Variants in OR5H15 observed in about 807,000 individuals in gnomAD.
OR5H15 encodes the protein olfactory receptor family 5 subfamily H member 15.
For synonymous variants in OR5H15, 153 were observed against 129.1 expected, an observed-to-expected ratio of 1.19 and a Z score of -1.26; for missense variants, 405 against 366.1, an observed-to-expected ratio of 1.11 and a Z score of -0.87.
chr3:98,166,944 G>A (rs1708724986), intron 1 of OR5H15, 113 bp downstream of exon 1: 1 of 151,998 alleles, frequency 6.6e-6, no homozygotes, highest in Admixed American at 6.6e-5. Flanking sequence ...ATAGCAAGAT[G>A]GAATTTGGAT....
At chr3:98,168,289 C>T (rs1708748474) in intron 1 of OR5H15, among the ~76,000 whole-genome samples, 1 of 151,980 alleles carries the variant, frequency 6.6e-6, no homozygotes, top group Non-Finnish European at 1.5e-5. Context: ...TTGGTACATG[C>T]TTAACGTATA....
In OR5H15 at chr3:98,169,649, T is replaced by C; in HGVS notation, c.*8T>C. ...GTTAAGGTTTCATACTAATATCCTT[T>C]TTCTATTTACTAAAATAGTCACAAA... is the stretch of plus-strand genomic sequence containing the variant. On this transcript the variant is annotated 3_prime_UTR_variant, in exon 2 of 2. Coordinates refer to ENST00000641450, the MANE Select transcript of OR5H15 (RefSeq NM_001005515.2). 1 of 1,556,726 alleles carries C rather than the reference T, an allele frequency of 6.4e-7. No homozygotes were observed. The highest frequency in any genetic ancestry group is 8.8e-7 in the Non-Finnish European group (1 of 1,136,018).
Position 98,169,567 on chromosome 3 carries a change from T to C in OR5H15, c.868T>C (p.Tyr290His). 1.2e-6 allele frequency: 2 copies of C among 1,611,384 alleles called. No individual in the cohort carries two copies. Reference sequence around the variant, plus strand: ...CATTCCTTTGTTAAATCCTATCATCTACAGTCTGAGAAATAAGCAAGTCAT... The same window carrying C: ...CATTCCTTTGTTAAATCCTATCATCCACAGTCTGAGAAATAAGCAAGTCAT... ...VIIPLLNPII[Y>H]SLRNKQVIVS... is the part of the protein sequence containing the mutation. Residue 290 changes from tyrosine (Y) to histidine (H), a missense_variant, in exon 2 of 2, where the codon TAC becomes CAC. Physicochemically the swap from Tyr to His is moderately conservative, Grantham distance 83 (BLOSUM62 2). Coordinates refer to ENST00000641450, the MANE Select transcript of OR5H15 (RefSeq NM_001005515.2).
At position 98,169,195 on chromosome 3, in the gene OR5H15, C is replaced by G; in HGVS notation, c.496C>G (p.Leu166Val). The change falls in exon 2 of 2, where the codon CTA (leucine) becomes GTA (valine). Residue 166 changes from leucine (L) to valine (V), a missense_variant. By Grantham distance (32) the Leu-to-Val change is conservative. Coordinates refer to ENST00000641450, the MANE Select transcript of OR5H15 (RefSeq NM_001005515.2). ...ALIHEGFLFR[L>V]TFCNSNIVHH... ...AATCCATGAAGGATTTTTATTCAGA[C>G]TAACCTTCTGTAACTCCAACATAGT... 1 of 1,612,968 alleles carries G rather than the reference C, an allele frequency of 6.2e-7. No homozygotes were observed. The highest frequency in any genetic ancestry group is 8.5e-7 in the Non-Finnish European group (1 of 1,179,414).
rs1338907147 is a variant in OR5H15, at chr3:98,169,729, G to A, written c.*88G>A. On this transcript the variant is annotated 3_prime_UTR_variant, in exon 2 of 2. Coordinates refer to ENST00000641450, the MANE Select transcript of OR5H15 (RefSeq NM_001005515.2). Reference sequence around the variant, plus strand: ...TTCCAGTGTTCAAACATTTTTGCAAGTATAACTGTCCTAGCACTTTAATGA... The same window carrying A: ...TTCCAGTGTTCAAACATTTTTGCAAATATAACTGTCCTAGCACTTTAATGA... The A allele has an allele frequency of 2.1e-6, 2 of 933,120 alleles. No individual in the cohort carries two copies. The highest frequency in any genetic ancestry group is 3.4e-6 in the Non-Finnish European group (2 of 594,568). The allele number at this position is 933,120 out of a possible 1,614,324, so 57.8% of individuals were successfully genotyped here. A position where few individuals can be genotyped will look rare whatever the true frequency, so the allele number is the denominator to read the frequency against.
rs762197626 is a variant in OR5H15, at chr3:98,169,209, C to T, written c.510C>T (p.Asn170=). 1 of 1,612,498 alleles carries T rather than the reference C, an allele frequency of 6.2e-7. No homozygotes were observed. The highest frequency in any genetic ancestry group is 8.5e-7 in the Non-Finnish European group (1 of 1,179,010). Residue 170 remains asparagine (N), a synonymous_variant, in exon 2 of 2, where the codon AAC becomes AAT. Coordinates refer to ENST00000641450, the MANE Select transcript of OR5H15 (RefSeq NM_001005515.2). ...TTTTATTCAGACTAACCTTCTGTAA[C>T]TCCAACATAGTACATCACATTTACT... ...EGFLFRLTFC[N]SNIVHHIYCD... is the part of the protein sequence containing the mutation.
Position 98,169,253 on chromosome 3 carries a change from C to T in OR5H15, c.554C>T (p.Ser185Phe), listed in dbSNP as rs1708769928. ...HHIYCDTIPL[S>F]KISCTDSSIN... Reference sequence around the variant, plus strand: ...ATTTACTGTGACACTATCCCATTGTCTAAGATTTCTTGTACTGATTCTTCT... The same window carrying T: ...ATTTACTGTGACACTATCCCATTGTTTAAGATTTCTTGTACTGATTCTTCT... The change falls in exon 2 of 2, where the codon TCT (serine) becomes TTT (phenylalanine). Residue 185 changes from serine to phenylalanine, a missense_variant. Transcript: ENST00000641450. 8.1e-6 allele frequency: 13 copies of T among 1,611,202 alleles called. No individual in the cohort carries two copies. Among genetic ancestry groups the T allele is most frequent in the Non-Finnish European group, 1.1e-5 (13 of 1,178,138 alleles).
Position 98,168,549 on chromosome 3 carries a change from C to T in OR5H15, c.-18-133C>T. The stretch of plus-strand genomic sequence containing the variant: ...TCTTTAATGCATCAAATACACAATT[C>T]ATCAGTTGTAGGACTGATCAAAAAA... On this transcript the variant is annotated intron_variant, in intron 1 of 1. Transcript: ENST00000641450. The T allele has an allele frequency of 3.2e-6, 3 of 935,964 alleles. No homozygotes were observed. The East Asian group carries it at 7.7e-5, about 24-fold the overall frequency. 58.0% of individuals were successfully genotyped at this position (935,964 alleles called of 1,614,324 possible). A position where few individuals can be genotyped will look rare whatever the true frequency, so the allele number is the denominator to read the frequency against.
In OR5H15 at chr3:98,169,397, G is replaced by A. The variant is rs778382060; in HGVS notation, c.698G>A (p.Gly233Asp). The A allele has an allele frequency of 6.2e-7, 1 of 1,613,408 alleles. No individual in the cohort carries two copies. Among genetic ancestry groups the A allele is most frequent in the Admixed American group, 1.7e-5 (1 of 59,880 alleles). The change falls in exon 2 of 2, where the codon GGT becomes GAT. Residue 233 changes from glycine (G) to aspartate (D), a missense_variant. By Grantham distance (94) the Gly-to-Asp change is moderately conservative. Coordinates refer to ENST00000641450, the MANE Select transcript of OR5H15 (RefSeq NM_001005515.2). ...FTVLEKKSDK[G>D]VRKAFSTCGA... ...GTCTTAGAAAAGAAATCTGATAAGG[G>A]TGTAAGGAAAGCCTTTTCCACCTGT...
At chr3:98,168,657 T>C (rs778185234) in intron 1 of OR5H15, 25 bp from the exon 2 acceptor site, 1 of 1,592,674 alleles carries the variant, frequency 6.3e-7, no homozygotes, top group African/African-American at 1.4e-5. Flanking sequence ...AAATCTTCCC[T>C]TTCATTTGTT....
intron 1 of OR5H15, among the ~76,000 whole-genome samples, chr3:98,167,994 C>T (rs1037374110): frequency 5.3e-5 from 8 of 152,188 alleles, no homozygotes; most frequent in Middle Eastern, 3.4e-3. Context: ...AAGGACTATA[C>T]ATTTAACATG....
chr3:98,167,779 A>G (rs564541429), intron 1 of OR5H15, among the ~76,000 whole-genome samples: 3 of 152,080 alleles, frequency 2.0e-5, no homozygotes, highest in Non-Finnish European at 2.9e-5. Context: ...CTAGTTGTCC[A>G]GATGATGCTC....
At chr3:98,167,723 C>T (rs746253044) in intron 1 of OR5H15, among the ~76,000 whole-genome samples, 7 of 152,002 alleles carry the variant, frequency 4.6e-5, no homozygotes, top group Admixed American at 1.3e-4. Context: ...TCCAAGTAAT[C>T]ATTCCTACTG....
chr3:98,168,613 T>G lies in OR5H15; in HGVS notation c.-18-69T>G, dbSNP rs563530376. The G allele has an allele frequency of 4.4e-5, 68 of 1,535,500 alleles. No individual in the cohort carries two copies. The African/African-American group carries it at 8.4e-4, about 19-fold the overall frequency. On this transcript the variant is annotated intron_variant, in intron 1 of 1. Transcript: ENST00000641450. Reference sequence around the variant, plus strand: ...GATCATTTTAGGGTTTATTTCAACATCTCTTCCCCAATTTCAACTCATAAT... The same window carrying G: ...GATCATTTTAGGGTTTATTTCAACAGCTCTTCCCCAATTTCAACTCATAAT...
intron 1 of OR5H15, among the ~76,000 whole-genome samples, chr3:98,167,376 CTTCT>C (rs909385898): frequency 1.6e-5 from 2 of 129,002 alleles, no homozygotes; most frequent in Non-Finnish European, 3.4e-5. Context: ...TGTCCCTGTA[CTTCT>C]CTCTCTCTCT....
At position 98,169,700 on chromosome 3, in the gene OR5H15, T is replaced by C. The variant is rs7637109; in HGVS notation, c.*59T>C. ...ATTACGCAAGTTAGAGGTACCTATG[T>C]TGTTTCCAGTGTTCAAACATTTTTG... On this transcript the variant is annotated 3_prime_UTR_variant, in exon 2 of 2. Coordinates refer to ENST00000641450, the MANE Select transcript of OR5H15 (RefSeq NM_001005515.2). 7.1e-3 allele frequency: 8,890 copies of C among 1,250,250 alleles called. 366 individuals carry two copies. The African/African-American group carries it at 0.097, about 14-fold the overall frequency. The allele number at this position is 1,250,250 out of a possible 1,614,324, so 77.4% of individuals were successfully genotyped here.
At chr3:98,166,917 G>A (rs1490619926) in intron 1 of OR5H15, 86 bp downstream of exon 1, 1 of 152,086 alleles carries the variant, frequency 6.6e-6, no homozygotes, top group Admixed American at 6.6e-5. Flanking sequence ...TTTAGATCGG[G>A]TATACAAGCT....
Position 98,169,241 on chromosome 3 carries a change from C to G in OR5H15, c.542C>G (p.Thr181Ser). The G allele has an allele frequency of 6.2e-7, 1 of 1,610,758 alleles. No homozygotes were observed. Among genetic ancestry groups the G allele is most frequent in the Non-Finnish European group, 8.5e-7 (1 of 1,177,946 alleles). Residue 181 changes from threonine (T) to serine (S), a missense_variant, in exon 2 of 2, where the codon ACT becomes AGT. By Grantham distance (58) the Thr-to-Ser change is moderately conservative. Coordinates refer to ENST00000641450, the MANE Select transcript of OR5H15 (RefSeq NM_001005515.2). The stretch of plus-strand genomic sequence containing the variant: ...ATAGTACATCACATTTACTGTGACA[C>G]TATCCCATTGTCTAAGATTTCTTGT... ...SNIVHHIYCD[T>S]IPLSKISCTD...
rs750485592 is a variant in OR5H15, at chr3:98,169,119, G to C, written c.420G>C (p.Leu140=). 1.2e-6 allele frequency: 2 copies of C among 1,612,574 alleles called. No homozygotes were observed. The highest frequency in any genetic ancestry group is 1.7e-6 in the Non-Finnish European group (2 of 1,179,620). Residue 140 remains leucine (L), a synonymous_variant, in exon 2 of 2, where the codon CTG becomes CTC. Coordinates refer to ENST00000641450, the MANE Select transcript of OR5H15 (RefSeq NM_001005515.2). ...LLYPAIMTNG[L]CIRLLILSYI... ...ATCCAGCCATTATGACCAATGGACT[G>C]TGCATCCGGCTATTAATCTTGTCAT...
Sources: allele counts gnomAD v4.1 joint callset (sites outside exome capture counted in the v4.1 genomes callset), GRCh38; gene constraint gnomAD v4.1.1; transcripts MANE v1.5; gene names NCBI Gene and HGNC (gene_info 2026-07-23, HGNC 2026-07-21).